The following NHSL2 variants were observed in gnomAD, a reference collection of about 807,000 sequenced individuals.
NHSL2 encodes NHS-like protein 2.
NHSL2 carries 27 observed loss-of-function variants against 53.4 expected under a neutral mutation model. The ratio of observed to expected loss-of-function variants is 0.51; its 90% confidence interval spans 0.37 to 0.70. The LOEUF (loss-of-function observed/expected upper bound fraction) is 0.70, where lower values mean the gene tolerates loss of function less well. Among genes scored for constraint, NHSL2 ranks in the 30% least tolerant of loss-of-function variants. NHSL2 has a pLI of 0.00. For synonymous variants in NHSL2, 408 were observed against 404.1 expected, an observed-to-expected ratio of 1.01 and a Z score of -0.12; for missense variants, 892 against 980.1, an observed-to-expected ratio of 0.91 and a Z score of 1.20.
At chrX:71,949,776 C>G (rs2041811453) in intron 1 of NHSL2, among the ~76,000 whole-genome samples, 2 of 113,035 alleles carry the variant, frequency 1.8e-5, no homozygotes, top group South Asian at 7.2e-4. Flanking sequence ...AAGCACAGAG[C>G]CCACAGCGCA....
intron 1 of NHSL2, among the ~76,000 whole-genome samples, chrX:72,117,531 A>G (rs1467993126): frequency 9.1e-6 from 1 of 109,359 alleles, no homozygotes; most frequent in African/African-American, 3.3e-5. Context: ...ACCACAATCC[A>G]TTTTAGAACA....
rs1048644324 is a variant in NHSL2 at position 72,122,021 on chromosome X, C to T, written c.281-10058C>T. Among the ~76,000 whole-genome samples the T allele has an allele frequency of 9.8e-5, 11 of 112,109 alleles. No individual in the cohort carries two copies. The South Asian group carries it at 1.5e-3, about 15-fold the overall frequency. On this transcript the variant is annotated intron_variant, in intron 1 of 7. Coordinates refer to ENST00000633930, the MANE Select transcript of NHSL2 (RefSeq NM_001013627.3). ...ATTGCCACTAAATCTTGTGATTTAG[C>T]GCATTATGAAAGTAGTAACACAACT...
chrX:72,021,484 C>T (rs754133203), intron 1 of NHSL2, among the ~76,000 whole-genome samples: 35 of 112,036 alleles, frequency 3.1e-4, no homozygotes, highest in African/African-American at 1.1e-3. Flanking sequence ...GGCCTTCAAA[C>T]TTCCCTTACT....
In NHSL2 at chrX:72,139,635, C is replaced by G. The variant is rs2042394028; in HGVS notation, c.2087C>G (p.Ala696Gly). 8.3e-7 allele frequency: 1 copy of G among 1,208,530 alleles called. No homozygotes were observed. Among genetic ancestry groups the G allele is most frequent in the African/African-American group, 1.8e-5 (1 of 56,880 alleles). Residue 696 changes from alanine to glycine, a missense_variant, in exon 6 of 8, where the codon GCC becomes GGC. Coordinates refer to ENST00000633930, the MANE Select transcript of NHSL2 (RefSeq NM_001013627.3). ...TPSQLSIEVE[A>G]REISSPGRPP... is the part of the protein sequence containing the mutation. ...TCCCAACTCTCCATTGAAGTGGAGG[C>G]CAGGGAGATATCATCCCCGGGAAGG...
chrX:71,973,255 C>T (rs2041933892), intron 1 of NHSL2, among the ~76,000 whole-genome samples: 1 of 112,444 alleles, frequency 8.9e-6, no homozygotes, highest in African/African-American at 3.2e-5. Flanking sequence ...TGCATGTGCA[C>T]AGCCTTCCAA....
intron 1 of NHSL2, chrX:72,131,078 G>A: frequency 8.3e-7 from 1 of 1,209,839 alleles, no homozygotes; most frequent in African/African-American, 1.7e-5. Context: ...CCTGAAAAGG[G>A]CTCTATCTCA....
At chrX:72,129,774 C>G in intron 1 of NHSL2, 3 of 1,090,954 alleles carry the variant, frequency 2.7e-6, no homozygotes, top group African/African-American at 1.8e-5. Flanking sequence ...GCAGCAATAG[C>G]AGGGGCGGGG....
intron 1 of NHSL2, among the ~76,000 whole-genome samples, chrX:72,034,831 A>T (rs1319847746): frequency 1.8e-5 from 2 of 111,930 alleles, no homozygotes; most frequent in East Asian, 2.8e-4. Flanking sequence ...CTTACTAGAC[A>T]TTTATCAATT....
chrX:72,140,769 T>C lies in NHSL2; in HGVS notation c.3221T>C (p.Leu1074Pro). Residue 1074 changes from leucine (L) to proline (P), a missense_variant and splice_region_variant, in exon 6 of 8, where the codon CTG (leucine) becomes CCG (proline). Physicochemically the swap from Leu to Pro is moderately conservative, Grantham distance 98. Transcript: ENST00000633930. ...QADSEREASP[L>P]GSSVEPGTEE... ...GACAGTGAAAGGGAGGCAAGCCCTC[T>C]GGGTTAGTAAACTGTCTGCTGGCTT... 8.6e-7 allele frequency: 1 copy of C among 1,165,503 alleles called. No individual in the cohort carries two copies.
chrX:72,104,713 G>C (rs2042024191), intron 1 of NHSL2, among the ~76,000 whole-genome samples: 1 of 111,546 alleles, frequency 9.0e-6, no homozygotes, highest in African/African-American at 3.3e-5. Flanking sequence ...GACTAAAAAA[G>C]TGGGTATCCA....
chrX:71,990,060 C>T (rs773966058), intron 1 of NHSL2, among the ~76,000 whole-genome samples: 1 of 112,478 alleles, frequency 8.9e-6, no homozygotes, highest in South Asian at 3.7e-4. Context: ...GTCATAGACA[C>T]ATGTGGGAAA....
chrX:72,069,788 C>T, intron 1 of NHSL2: 1 of 801,275 alleles, frequency 1.2e-6, no homozygotes. Context: ...TCCGGGGCTC[C>T]TACAGCCAGG....
At chrX:71,988,010 G>C (rs770479608) in intron 1 of NHSL2, among the ~76,000 whole-genome samples, 40 of 112,537 alleles carry the variant, frequency 3.6e-4, no homozygotes, top group Non-Finnish European at 6.6e-4. Context: ...GTACTGCCAC[G>C]TGGTTACAAG....
intron 1 of NHSL2, among the ~76,000 whole-genome samples, chrX:72,115,346 T>A (rs933959485): frequency 1.7e-4 from 17 of 100,986 alleles, no homozygotes; most frequent in African/African-American, 6.3e-4. Context: ...GGCCCCTTAC[T>A]GTCCTGAAAA....
At chrX:72,048,432 G>A (rs1391498533) in intron 1 of NHSL2, among the ~76,000 whole-genome samples, 1 of 110,601 alleles carries the variant, frequency 9.0e-6, no homozygotes, top group Non-Finnish European at 1.9e-5. Context: ...TTATTGTTTG[G>A]GGAAAAGTGA....
At chrX:71,923,885 T>C (rs1317628430) in intron 1 of NHSL2, among the ~76,000 whole-genome samples, 1 of 112,337 alleles carries the variant, frequency 8.9e-6, no homozygotes, top group Non-Finnish European at 1.9e-5. Context: ...CACTTCACTA[T>C]GGCTTTAAAA....
chrX:71,912,336 CT>C (rs1382440607), intron 1 of NHSL2, among the ~76,000 whole-genome samples: 1 of 112,699 alleles, frequency 8.9e-6, no homozygotes, highest in East Asian at 2.8e-4. Context: ...GAAATGCTGA[CT>C]ACAGCTGGGG....
Position 72,130,601 on chromosome X carries a change from G to A in NHSL2, c.281-1478G>A, listed in dbSNP as rs2042281391. On this transcript the variant is annotated intron_variant, in intron 1 of 7. Coordinates refer to ENST00000633930, the MANE Select transcript of NHSL2 (RefSeq NM_001013627.3). ...ACTCCAGGGAGCGGGATAGGCTTGG[G>A]AACGCGCACTTTTCTTTCTATCTCC... The A allele has an allele frequency of 8.3e-6, 10 of 1,209,786 alleles. No homozygotes were observed. The South Asian group carries it at 1.2e-4, about 15-fold the overall frequency.
chrX:71,930,099 C>T (rs939249034), intron 1 of NHSL2, among the ~76,000 whole-genome samples: 1 of 111,881 alleles, frequency 8.9e-6, no homozygotes, highest in Admixed American at 9.4e-5. Context: ...TGCACTTCCT[C>T]ACCCCCTTGC....
Sources: allele counts gnomAD v4.1 joint callset (sites outside exome capture counted in the v4.1 genomes callset), GRCh38; gene constraint gnomAD v4.1.1; transcripts MANE v1.5; gene names NCBI Gene and HGNC (gene_info 2026-07-23, HGNC 2026-07-21).